Variants in WNT9B observed in about 807,000 individuals in gnomAD.
WNT9B encodes protein Wnt-9b.
A neutral mutation model predicts 30.2 loss-of-function variants in WNT9B; 12 were observed. The ratio of observed to expected loss-of-function variants is 0.40; its 90% CI spans 0.26 to 0.64. WNT9B has a LOEUF of 0.64. Ranked by LOEUF, WNT9B falls within the 30% of genes least tolerant of loss-of-function variation. WNT9B has a pLI of 0.42. For missense variants in WNT9B, 442 were observed against 485.2 expected, an observed-to-expected ratio of 0.91 and a Z score of 0.84; for synonymous variants, 218 against 216.9, an observed-to-expected ratio of 1.01 and a Z score of -0.05.
chr17:46,853,347 C>T (rs1402659338), intron 1 of WNT9B, among the ~76,000 whole-genome samples: 1 of 142,540 alleles, frequency 7.0e-6, no homozygotes, highest in Non-Finnish European at 1.5e-5. Context: ...AGTAAGTGCT[C>T]AACTAATGCT....
chr17:46,845,382 G>C (rs550908862), intron 1 of WNT9B, among the ~76,000 whole-genome samples: 1 of 152,138 alleles, frequency 6.6e-6, no homozygotes, highest in African/African-American at 2.4e-5. Flanking sequence ...GCTGGGGTGG[G>C]GGTTATATTC....
downstream of WNT9B, chr17:46,884,898 G>A (rs2085470489): frequency 3.0e-6 from 1 of 330,818 alleles, no homozygotes; most frequent in Non-Finnish European, 6.0e-6. Context: ...TTCCTGACTT[G>A]GTTCAAATAT....
At chr17:46,852,896 T>G (rs749207425) in intron 1 of WNT9B, among the ~76,000 whole-genome samples, 8 of 152,060 alleles carry the variant, frequency 5.3e-5, no homozygotes, top group Non-Finnish European at 1.0e-4. Flanking sequence ...AATTTCCAGG[T>G]CATGACCCCT....
At chr17:46,847,468 G>A (rs995484633), upstream of WNT9B, among the ~76,000 whole-genome samples, 2 of 152,204 alleles carry the variant, frequency 1.3e-5, no homozygotes, top group Non-Finnish European at 2.9e-5. Flanking sequence ...TACAGTTCAA[G>A]TATGTGGGGC....
chr17:46,867,264 C>T, intron 1 of WNT9B, among the ~76,000 whole-genome samples: 1 of 152,258 alleles, frequency 6.6e-6, no homozygotes, highest in Non-Finnish European at 1.5e-5. Flanking sequence ...AAATACTTAT[C>T]TGGAGCTTAC....
intron 1 of WNT9B, among the ~76,000 whole-genome samples, chr17:46,869,845 GA>G (rs1446757548): frequency 6.6e-6 from 1 of 151,804 alleles, no homozygotes; most frequent in African/African-American, 2.4e-5. Context: ...CTAAAAATAT[GA>G]AAATTAGCCA....
In WNT9B at chr17:46,877,120, T is replaced by C. The variant is rs912222377; in HGVS notation, c.*402T>C. 2 of 980,806 alleles carry C rather than the reference T, an allele frequency of 2.0e-6. No individual in the cohort carries two copies. The highest frequency in any genetic ancestry group is 2.4e-6 in the Non-Finnish European group (2 of 825,752). 60.8% of individuals were successfully genotyped at this position (980,806 alleles called of 1,614,324 possible). On this transcript the variant is annotated 3_prime_UTR_variant, in exon 4 of 4. Coordinates refer to ENST00000290015, the MANE Select transcript of WNT9B (RefSeq NM_003396.3). ...GTTCTTGGGAGGTGAACTGCTGGGC[T>C]AGGAATGCCAAGGCAGGCAGTGCCA...
chr17:46,879,687 C>G lies in WNT9B; in HGVS notation c.*2969C>G, dbSNP rs527808174. On this transcript the variant is annotated 3_prime_UTR_variant, in exon 4 of 4. Transcript: ENST00000290015. ...TGTTCAATGAATATTTACTGAACATCTCCATAGACCAGGCACTACGGGCTG... is the reference window on the plus strand; with the variant it reads ...TGTTCAATGAATATTTACTGAACATGTCCATAGACCAGGCACTACGGGCTG... Among the ~76,000 whole-genome samples the G allele has an allele frequency of 3.0e-4, 45 of 152,334 alleles. 1 individual carries two copies. The highest frequency in any genetic ancestry group is 2.7e-3 in the Admixed American group (42 of 15,304).
chr17:46,885,276 G>A (rs2085475924), downstream of WNT9B: 1 of 285,328 alleles, frequency 3.5e-6, no homozygotes, highest in African/African-American at 2.3e-5. Flanking sequence ...AAAGTGCTGG[G>A]ATTACCGGTG....
chr17:46,851,643 GC>G lies in WNT9B; in HGVS notation c.11del (p.Pro4ArgfsTer24). On this transcript the variant is annotated frameshift_variant, in exon 1 of 4. Transcript: ENST00000290015. LOFTEE classifies it high-confidence loss of function. The surrounding 1 kb of genome is among the most constrained non-coding windows in gnomAD (Gnocchi z 4.3). ...GGGCGCAGCGCCGCCAGCACCATGC[GC>G]CCCCCGCCCGCGCTGGCCCTGGCCG... M[R>X]PPPALALAGL... The G allele has an allele frequency of 6.3e-6, 8 of 1,275,730 alleles. No individual in the cohort carries two copies. Among genetic ancestry groups the G allele is most frequent in the Non-Finnish European group, 5.9e-6 (6 of 1,015,686 alleles). The allele number at this position is 1,275,730 out of a possible 1,614,324, so 79.0% of individuals were successfully genotyped here.
chr17:46,883,722 G>C (rs890555147), downstream of WNT9B, among the ~76,000 whole-genome samples: 3 of 152,234 alleles, frequency 2.0e-5, no homozygotes, highest in African/African-American at 7.2e-5. Flanking sequence ...TGGGGACAGA[G>C]AGACGGGGTA....
rs1021916205 is a variant in WNT9B, at chr17:46,870,656, G to A, written c.78-1861G>A. Among the ~76,000 whole-genome samples, 20 of 152,190 alleles carry A rather than the reference G, an allele frequency of 1.3e-4. No individual in the cohort carries two copies. The South Asian group carries it at 1.9e-3, about 14-fold the overall frequency. On this transcript the variant is annotated intron_variant, in intron 1 of 3. Transcript: ENST00000290015. ...AGGGCACCTGGGGCCTGGCCAGGCC[G>A]CATACCCTCTGGTGAGGCTTCCAAC...
chr17:46,867,729 G>A (rs2085164076), intron 1 of WNT9B, among the ~76,000 whole-genome samples: 1 of 152,208 alleles, frequency 6.6e-6, no homozygotes. Context: ...GAAAGGAGGT[G>A]GGGAAGGAGG....
upstream of WNT9B, among the ~76,000 whole-genome samples, chr17:46,847,843 G>A (rs1278239927): frequency 1.3e-5 from 2 of 152,240 alleles, 1 homozygote; most frequent in Non-Finnish European, 2.9e-5. Flanking sequence ...GTTTGTTTCA[G>A]GCAGGGTGGG....
At chr17:46,881,155 C>CT (rs982253120), downstream of WNT9B, among the ~76,000 whole-genome samples, 22 of 152,352 alleles carry the variant, frequency 1.4e-4, no homozygotes, top group African/African-American at 5.3e-4. Flanking sequence ...GAGTGCCTGT[C>CT]TCCTGGCTCA....
At chr17:46,851,478 G>T, upstream of WNT9B, 1 of 347,160 alleles carries the variant, frequency 2.9e-6, no homozygotes, top group East Asian at 4.5e-5. The surrounding 1 kb of genome is among the most constrained non-coding windows in gnomAD (Gnocchi z 4.3). Context: ...CAATGGGGCG[G>T]GGGGCTCGCC....
intron 1 of WNT9B, among the ~76,000 whole-genome samples, chr17:46,867,882 A>G (rs1163877832): frequency 6.6e-6 from 1 of 152,070 alleles, no homozygotes; most frequent in Non-Finnish European, 1.5e-5. Context: ...GCCAGAGGTC[A>G]TCGCATGTGT....
chr17:46,863,378 C>G (rs951496468), intron 1 of WNT9B, among the ~76,000 whole-genome samples: 1 of 152,236 alleles, frequency 6.6e-6, no homozygotes, highest in South Asian at 2.1e-4. Context: ...GAGCACGCAT[C>G]TGGACTGGGA....
chr17:46,863,167 C>G (rs1451012473), intron 1 of WNT9B, among the ~76,000 whole-genome samples: 1 of 152,220 alleles, frequency 6.6e-6, no homozygotes, highest in Non-Finnish European at 1.5e-5. Context: ...AAAGCCCGCC[C>G]AGCCCCAGCT....
Sources: allele counts gnomAD v4.1 joint callset (sites outside exome capture counted in the v4.1 genomes callset), GRCh38; gene constraint gnomAD v4.1.1; non-coding constraint Gnocchi (gnomAD v3.1); transcripts MANE v1.5; gene names NCBI Gene and HGNC (gene_info 2026-07-23, HGNC 2026-07-21).